The following SIPA1L1 variants were observed in gnomAD, a reference collection of about 807,000 sequenced individuals.
SIPA1L1 encodes signal induced proliferation associated 1 like 1.
A neutral mutation model predicts 162.7 loss-of-function variants in SIPA1L1; 26 were observed. That is an observed-to-expected ratio of 0.16 (90% CI 0.12 to 0.22). The LOEUF (loss-of-function observed/expected upper bound fraction) is 0.22, where lower values mean the gene tolerates loss of function less well. SIPA1L1 is among the 10% of genes least tolerant of loss of function. The pLI, the probability that SIPA1L1 is intolerant of heterozygous loss-of-function variation, is 1.00. For missense variants in SIPA1L1, 1,874 were observed against 2,241.0 expected (o/e 0.84, Z 3.31); for synonymous variants, 829 against 837.4 (o/e 0.99, Z 0.17).
chr14:71,445,975 A>G (rs2045313087), intron 2 of SIPA1L1, among the ~76,000 whole-genome samples: 1 of 152,102 alleles, frequency 6.6e-6, no homozygotes, highest in Non-Finnish European at 1.5e-5. Flanking sequence ...CAGCCTCCTG[A>G]GTAGCTGGGT....
chr14:71,491,761 A>AACACACACACACACACACACACAC (rs59275638), intron 2 of SIPA1L1, among the ~76,000 whole-genome samples: 13 of 97,956 alleles, frequency 1.3e-4, no homozygotes, highest in South Asian at 4.9e-4. Flanking sequence ...TTTTATTTCA[A>AACACACACACACACACACACACAC]ACACACACAC....
intron 7 of SIPA1L1, among the ~76,000 whole-genome samples, chr14:71,632,381 C>CA (rs1038451225): frequency 1.6e-4 from 24 of 151,552 alleles, no homozygotes; most frequent in Admixed American, 8.5e-4. Context: ...GCAAAAGGAC[C>CA]AAAAAAAACA....
At chr14:71,738,161 TAAAAAAAAA>T in intron 22 of SIPA1L1, 71 bp from the exon 23 acceptor site, 30 of 365,652 alleles carry the variant, frequency 8.2e-5, no homozygotes, top group South Asian at 2.4e-4. Flanking sequence ...CTCCTCAGAG[TAAAAAAAAA>T]AAAAAAAAAA....
At chr14:71,557,063 T>C (rs755064614) in intron 4 of SIPA1L1, among the ~76,000 whole-genome samples, 2 of 152,230 alleles carry the variant, frequency 1.3e-5, no homozygotes, top group Admixed American at 6.5e-5. Flanking sequence ...AGTTAGGAGC[T>C]AGGAACTGTG....
At chr14:71,326,358 G>A (rs1326309939) in intron 2 of SIPA1L1, among the ~76,000 whole-genome samples, 1 of 151,846 alleles carries the variant, frequency 6.6e-6, no homozygotes, top group African/African-American at 2.4e-5. Context: ...ACAGGCACAC[G>A]CCGCCACACC....
chr14:71,730,771 G>A (rs145369332), intron 20 of SIPA1L1, among the ~76,000 whole-genome samples: 36 of 152,176 alleles, frequency 2.4e-4, no homozygotes, highest in African/African-American at 7.5e-4. Context: ...TGATTTCTTC[G>A]TGCAGTGAGC....
chr14:71,558,317 T>C (rs559206538), intron 4 of SIPA1L1, among the ~76,000 whole-genome samples: 144 of 152,292 alleles, frequency 9.5e-4, no homozygotes, highest in African/African-American at 3.4e-3. Context: ...TTTGGTGATC[T>C]CATGACTATA....
intron 2 of SIPA1L1, among the ~76,000 whole-genome samples, chr14:71,444,175 A>G (rs546912530): frequency 2.0e-5 from 3 of 152,210 alleles, no homozygotes; most frequent in Non-Finnish European, 4.4e-5. Flanking sequence ...TAGTTTCTGC[A>G]TATACCTAGC....
At chr14:71,578,144 C>T (rs1034212938) in intron 4 of SIPA1L1, among the ~76,000 whole-genome samples, 2 of 152,074 alleles carry the variant, frequency 1.3e-5, no homozygotes, top group Non-Finnish European at 2.9e-5. Flanking sequence ...CTCCTGACCT[C>T]ATGATCTGCC....
intron 2 of SIPA1L1, among the ~76,000 whole-genome samples, chr14:71,340,030 G>T (rs576991041): frequency 1.6e-4 from 25 of 152,186 alleles, no homozygotes; most frequent in Admixed American, 8.5e-4. Flanking sequence ...AGCATATTTT[G>T]TTGGGAATGC....
intron 2 of SIPA1L1, among the ~76,000 whole-genome samples, chr14:71,423,167 GTTGT>G (rs1241516183): frequency 2.6e-5 from 4 of 152,070 alleles, no homozygotes; most frequent in Admixed American, 2.0e-4. Flanking sequence ...TTTGAATCAA[GTTGT>G]TTGTTTTGTT....
At chr14:71,467,029 A>C (rs1205741244) in intron 2 of SIPA1L1, among the ~76,000 whole-genome samples, 1 of 152,236 alleles carries the variant, frequency 6.6e-6, no homozygotes, top group Non-Finnish European at 1.5e-5. Flanking sequence ...ACTCAGACAC[A>C]GTTTTCAACA....
At chr14:71,436,502 A>G (rs921608405) in intron 2 of SIPA1L1, among the ~76,000 whole-genome samples, 55 of 152,166 alleles carry the variant, frequency 3.6e-4, no homozygotes, top group Non-Finnish European at 7.1e-4. Context: ...CATTTATTGA[A>G]CAATTTATCT....
chr14:71,597,735 C>T (rs1447100238), intron 5 of SIPA1L1, among the ~76,000 whole-genome samples: 2 of 152,184 alleles, frequency 1.3e-5, no homozygotes, highest in Non-Finnish European at 2.9e-5. Flanking sequence ...GTTACTCTTC[C>T]TTTCCTCTCT....
chr14:71,383,094 A>G (rs567152989), intron 2 of SIPA1L1, among the ~76,000 whole-genome samples: 5 of 152,306 alleles, frequency 3.3e-5, no homozygotes, highest in Admixed American at 2.0e-4. Context: ...AGATTGCTAC[A>G]TTGTCTAGTG....
intron 7 of SIPA1L1, among the ~76,000 whole-genome samples, chr14:71,626,145 CATAAT>C (rs955524184): frequency 1.3e-5 from 2 of 152,172 alleles, no homozygotes; most frequent in African/African-American, 2.4e-5. Context: ...AATTATTAAT[CATAAT>C]ATATGATAGT....
In SIPA1L1 at chr14:71,425,433, A is replaced by G. The variant is rs200820141; in HGVS notation, c.-464-87310A>G. 3.3e-5 allele frequency among the ~76,000 whole-genome samples: 5 copies of G among 152,208 alleles called. No individual in the cohort carries two copies. In the East Asian group the frequency reaches 9.7e-4, roughly 29 times the overall value. ...TGTTTTCATTTTTGTTCAAGTCTTA[A>G]GTATTTTCTAATTTCCCCTGTGATT... On this transcript the variant is annotated intron_variant, in intron 2 of 23. Transcript: ENST00000381232.
chr14:71,685,667 C>G, intron 13 of SIPA1L1, 36 bp downstream of exon 13: 1 of 1,608,858 alleles, frequency 6.2e-7, no homozygotes, highest in Non-Finnish European at 8.5e-7. Flanking sequence ...CTATCTCTCT[C>G]TGCCCCAAAT....
intron 2 of SIPA1L1, among the ~76,000 whole-genome samples, chr14:71,354,461 G>C (rs146270723): frequency 6.6e-6 from 1 of 152,084 alleles, no homozygotes; most frequent in Admixed American, 6.5e-5. Flanking sequence ...TATTTTTGTA[G>C]AGGGGGGGTT....
Sources: gnomAD v4.1 joint callset for allele counts (sites outside exome capture counted in the v4.1 genomes callset) on GRCh38, gnomAD v4.1.1 for gene constraint, MANE v1.5 for transcripts, NCBI Gene and HGNC (gene_info 2026-07-23, HGNC 2026-07-21) for gene names.